HDAC9: variants seen among roughly 807,000 people sequenced by gnomAD.
The protein encoded by HDAC9 is MEF-2 interacting transcription repressor (MITR) protein.
A neutral mutation model predicts 139.4 loss-of-function variants in HDAC9; 41 were observed. The observed-to-expected ratio is 0.29, with a 90% CI of 0.23 to 0.38. HDAC9 has a LOEUF of 0.38. Among genes scored for constraint, HDAC9 ranks in the 10% least tolerant of loss-of-function variants. HDAC9 has a pLI of 1.00. For synonymous variants in HDAC9, 517 were observed against 476.2 expected, an observed-to-expected ratio of 1.09 and a Z score of -1.12; for missense variants, 1,147 against 1,297.0, an observed-to-expected ratio of 0.88 and a Z score of 1.78.
chr7:18,837,019 G>A (rs1232050420), intron 21 of HDAC9, among the ~76,000 whole-genome samples: 1 of 151,804 alleles, frequency 6.6e-6, no homozygotes, highest in Non-Finnish European at 1.5e-5. Context: ...GTTTTGGTGG[G>A]TTTCTTTTGT....
At chr7:18,901,887 A>G (rs1801758824) in intron 22 of HDAC9, among the ~76,000 whole-genome samples, 1 of 152,152 alleles carries the variant, frequency 6.6e-6, no homozygotes, top group African/African-American at 2.4e-5. Context: ...AGTATGTCAT[A>G]TTATTATTTT....
At chr7:18,841,791 C>G (rs909103586) in intron 21 of HDAC9, among the ~76,000 whole-genome samples, 6 of 152,116 alleles carry the variant, frequency 3.9e-5, no homozygotes, top group African/African-American at 1.4e-4. Flanking sequence ...CCCTTGATAT[C>G]TCCAAGCCAC....
intron 2 of HDAC9, among the ~76,000 whole-genome samples, chr7:18,168,995 T>C (rs1788218020): frequency 6.7e-6 from 1 of 149,016 alleles, no homozygotes. Context: ...TGGAGTGCAA[T>C]GGCATGATCT....
chr7:18,915,221 G>A (rs1343732111), intron 22 of HDAC9, among the ~76,000 whole-genome samples: 1 of 152,022 alleles, frequency 6.6e-6, no homozygotes, highest in Non-Finnish European at 1.5e-5. Flanking sequence ...TATAAGTAGA[G>A]CATGAAAACC....
rs1170611850 is a variant in HDAC9 at position 18,319,239 on chromosome 7, T to C, written c.-42+28724T>C. Among the ~76,000 whole-genome samples the C allele has an allele frequency of 3.9e-4, 59 of 152,234 alleles. 1 individual carries two copies. Among genetic ancestry groups the C allele is most frequent in the Admixed American group, 3.8e-3 (58 of 15,288 alleles). Reference sequence around the variant, plus strand: ...GTTTCTGTTGCTGGTGAAGATTTGTTTGGGGTTCAGTAAAACTTTCAAAAT... The same window carrying C: ...GTTTCTGTTGCTGGTGAAGATTTGTCTGGGGTTCAGTAAAACTTTCAAAAT... On this transcript the variant is annotated intron_variant, in intron 1 of 3. Transcript: ENST00000413509.
chr7:18,160,513 A>C, intron 1 of HDAC9, among the ~76,000 whole-genome samples: 1 of 152,190 alleles, frequency 6.6e-6, no homozygotes, highest in East Asian at 1.9e-4. Context: ...GAGAGTTACA[A>C]GTTATCTATT....
At chr7:18,538,904 G>A (rs1273926106) in intron 2 of HDAC9, among the ~76,000 whole-genome samples, 1 of 152,098 alleles carries the variant, frequency 6.6e-6, no homozygotes, top group East Asian at 1.9e-4. Flanking sequence ...AGGTGGAGGG[G>A]CTGCCTCTAG....
chr7:18,994,879 G>A (rs1182548387), intron 25 of HDAC9, among the ~76,000 whole-genome samples: 1 of 152,030 alleles, frequency 6.6e-6, no homozygotes, highest in Non-Finnish European at 1.5e-5. Context: ...TGGCAAGTAG[G>A]TAAACATTAT....
intron 1 of HDAC9, chr7:18,151,855 C>G (rs1197492271): frequency 6.6e-6 from 1 of 152,190 alleles, no homozygotes; most frequent in Non-Finnish European, 1.5e-5. Context: ...ATTTAATTCA[C>G]AGAATAGTTG....
intron 2 of HDAC9, among the ~76,000 whole-genome samples, chr7:18,501,042 A>G (rs1232073607): frequency 1.3e-5 from 2 of 152,172 alleles, no homozygotes; most frequent in Non-Finnish European, 2.9e-5. Context: ...AGAGTAAATG[A>G]AAAAGGAAAA....
At chr7:18,216,865 A>G (rs73319925) in intron 2 of HDAC9, among the ~76,000 whole-genome samples, 5,646 of 152,222 alleles carry the variant, frequency 0.037, 368 homozygotes, top group African/African-American at 0.13. Flanking sequence ...CAAGTTGTAC[A>G]CTGCCACCTA....
intron 2 of HDAC9, among the ~76,000 whole-genome samples, chr7:18,238,552 A>G (rs542361177): frequency 2.0e-5 from 3 of 152,320 alleles, no homozygotes; most frequent in African/African-American, 7.2e-5. Flanking sequence ...CCCTCTATAT[A>G]TAGAAGTTTT....
chr7:18,378,002 T>G (rs963917903), intron 1 of HDAC9, among the ~76,000 whole-genome samples: 4 of 152,148 alleles, frequency 2.6e-5, no homozygotes, highest in African/African-American at 9.7e-5. Flanking sequence ...CCCCAGTAGA[T>G]GCAAGAAAAT....
intron 2 of HDAC9, among the ~76,000 whole-genome samples, chr7:18,265,523 A>C (rs1304372425): frequency 1.3e-5 from 2 of 152,168 alleles, no homozygotes; most frequent in African/African-American, 4.8e-5. Flanking sequence ...CACATTTCTT[A>C]AGTCTGAGAG....
At chr7:18,363,938 T>C (rs568141472) in intron 1 of HDAC9, among the ~76,000 whole-genome samples, 205 of 152,326 alleles carry the variant, frequency 1.3e-3, no homozygotes, top group African/African-American at 4.5e-3. Context: ...GGTCTAACTT[T>C]TCCTAAAGAT....
intron 6 of HDAC9, among the ~76,000 whole-genome samples, chr7:18,629,147 C>T (rs1487885127): frequency 6.6e-6 from 1 of 151,908 alleles, no homozygotes; most frequent in East Asian, 1.9e-4. Flanking sequence ...AAAAAAGTTT[C>T]ACAGATTTCA....
chr7:18,555,543 G>A lies in HDAC9; in HGVS notation c.23-29738G>A, dbSNP rs539549086. ...AAATAATATAGCTACAATACAATAT[G>A]ACTATATTACCTCATTTTAGTATAC... On this transcript the variant is annotated intron_variant, in intron 2 of 25. Coordinates refer to ENST00000686413, the MANE Select transcript of HDAC9 (RefSeq NM_178425.4). 9.2e-5 allele frequency among the ~76,000 whole-genome samples: 14 copies of A among 152,102 alleles called. No homozygotes were observed. The South Asian group carries it at 2.7e-3, about 29-fold the overall frequency.
At chr7:18,774,314 C>T (rs997973451) in intron 16 of HDAC9, among the ~76,000 whole-genome samples, 1 of 151,906 alleles carries the variant, frequency 6.6e-6, no homozygotes. Context: ...CTCCTGAAAT[C>T]ATTTGGTGAA....
In HDAC9 at chr7:18,795,835, A is replaced by G. The variant is rs371495944; in HGVS notation, c.2322+2383A>G. On this transcript the variant is annotated intron_variant, in intron 17 of 25. Transcript: ENST00000686413. ...AAACTACCCAGTGCCTACGTGTCCC[A>G]GACTCAAATATGATGGGGCTGATAT... Among the ~76,000 whole-genome samples, 30 of 152,344 alleles carry G rather than the reference A, an allele frequency of 2.0e-4. 1 individual carries two copies. The South Asian group carries it at 3.3e-3, about 17-fold the overall frequency.
Sources: allele counts gnomAD v4.1 joint callset (sites outside exome capture counted in the v4.1 genomes callset), GRCh38; gene constraint gnomAD v4.1.1; transcripts MANE v1.5; gene names NCBI Gene and HGNC (gene_info 2026-07-23, HGNC 2026-07-21).